DAB1: variants seen among roughly 807,000 people sequenced by gnomAD.
DAB1 encodes the protein DAB adaptor protein 1.
DAB1 carries 15 observed loss-of-function variants against 64.6 expected under a neutral mutation model. That is an observed-to-expected ratio of 0.23 (90% confidence interval 0.16 to 0.36). The LOEUF is 0.36. DAB1 is among the 10% of genes least tolerant of loss of function. The probability of loss-of-function intolerance (pLI) is 1.00; values close to 1 mark genes in which losing one functional copy is unlikely to be tolerated. For missense variants in DAB1, 596 were observed against 706.7 expected (o/e 0.84, Z 1.78); for synonymous variants, 235 against 251.9 (o/e 0.93, Z 0.64).
At chr1:58,215,118 T>C (rs1658774977) in intron 4 of DAB1, among the ~76,000 whole-genome samples, 1 of 152,178 alleles carries the variant, frequency 6.6e-6, no homozygotes, top group Non-Finnish European at 1.5e-5. Context: ...GGTTGACTTC[T>C]TTGACCCCCT....
intron 3 of DAB1, among the ~76,000 whole-genome samples, chr1:58,455,902 T>C (rs1219170167): frequency 6.6e-5 from 10 of 152,160 alleles, no homozygotes; most frequent in Admixed American, 3.3e-4. Context: ...CCCAAAGGGA[T>C]AGCTCTTCAT....
chr1:57,638,769 G>A (rs1646090722), intron 7 of DAB1, among the ~76,000 whole-genome samples: 1 of 151,866 alleles, frequency 6.6e-6, no homozygotes, highest in Admixed American at 6.6e-5. Flanking sequence ...TAGAAGAAAT[G>A]GTATGGAAAG....
chr1:58,475,900 G>A (rs1645413944), intron 3 of DAB1, among the ~76,000 whole-genome samples: 1 of 152,166 alleles, frequency 6.6e-6, no homozygotes, highest in East Asian at 1.9e-4. Flanking sequence ...ATATTTCTGT[G>A]CAAAAGCAAT....
intron 1 of DAB1, among the ~76,000 whole-genome samples, chr1:57,312,798 C>A (rs972061697): frequency 2.0e-5 from 3 of 152,134 alleles, no homozygotes; most frequent in Non-Finnish European, 4.4e-5. Flanking sequence ...GGCCGGTGAG[C>A]AGCAGTGGAG....
chr1:57,598,935 A>C (rs983456451), intron 7 of DAB1, among the ~76,000 whole-genome samples: 2 of 152,114 alleles, frequency 1.3e-5, no homozygotes, highest in African/African-American at 4.8e-5. Flanking sequence ...TCCCCCTTCC[A>C]GGTTCCTGAC....
At chr1:57,418,477 G>A (rs1367517227) in intron 1 of DAB1, among the ~76,000 whole-genome samples, 5 of 152,262 alleles carry the variant, frequency 3.3e-5, no homozygotes, top group East Asian at 1.9e-4. Context: ...TATGAAGCTC[G>A]GAGCAGATGC....
At chr1:57,469,019 T>C (rs998237739) in intron 7 of DAB1, among the ~76,000 whole-genome samples, 2 of 152,210 alleles carry the variant, frequency 1.3e-5, no homozygotes, top group African/African-American at 2.4e-5. Context: ...AGTGATAAGA[T>C]GAAATTGCTC....
intron 4 of DAB1, among the ~76,000 whole-genome samples, chr1:57,075,485 G>A (rs1010409541): frequency 2.6e-5 from 4 of 152,164 alleles, no homozygotes; most frequent in Non-Finnish European, 5.9e-5. Context: ...TCAGTGAGGG[G>A]CTATGTCTTC....
chr1:57,777,582 A>G (rs1215663794), intron 6 of DAB1, among the ~76,000 whole-genome samples: 1 of 151,854 alleles, frequency 6.6e-6, no homozygotes, highest in Non-Finnish European at 1.5e-5. Flanking sequence ...AGTGACATAT[A>G]TATTTCAGAT....
chr1:58,003,714 C>T (rs1028559036), intron 5 of DAB1, among the ~76,000 whole-genome samples: 2 of 152,258 alleles, frequency 1.3e-5, no homozygotes, highest in African/African-American at 2.4e-5. Flanking sequence ...GGATGCTTCC[C>T]GGGCAAGGTG....
chr1:57,231,276 A>T (rs1030450259), intron 2 of DAB1, among the ~76,000 whole-genome samples: 3 of 152,202 alleles, frequency 2.0e-5, no homozygotes, highest in Non-Finnish European at 2.9e-5. Context: ...CTCACTCTCC[A>T]AGACAAGGCT....
rs1403925781 is a variant in DAB1, at chr1:58,307,333, C to T, written n.309+36019G>A. Among the ~76,000 whole-genome samples the T allele has an allele frequency of 1.9e-4, 29 of 152,230 alleles. 1 individual carries two copies. In the South Asian group the frequency reaches 6.0e-3, roughly 32 times the overall value. On this transcript the variant is annotated intron_variant and non_coding_transcript_variant, in intron 4 of 20. Transcript: ENST00000485760. Reference sequence around the variant, plus strand: ...GCCTGAAGATGAGTGAAACTTGGCCCCTGCCCTTCAGAAGTTTAGAATCTA... The same window carrying T: ...GCCTGAAGATGAGTGAAACTTGGCCTCTGCCCTTCAGAAGTTTAGAATCTA...
intron 5 of DAB1, among the ~76,000 whole-genome samples, chr1:57,904,393 T>A (rs903337210): frequency 6.6e-5 from 10 of 152,158 alleles, no homozygotes; most frequent in Admixed American, 3.3e-4. Context: ...ATCTACTACG[T>A]CCACTATTGT....
chr1:57,400,198 T>TG (rs1332419711), intron 1 of DAB1, among the ~76,000 whole-genome samples: 7 of 152,146 alleles, frequency 4.6e-5, no homozygotes, highest in Non-Finnish European at 8.8e-5. Context: ...CGTTACAGAG[T>TG]GTCTGCAAGT....
intron 2 of DAB1, among the ~76,000 whole-genome samples, chr1:57,151,453 C>T (rs911727540): frequency 1.7e-4 from 26 of 151,938 alleles, no homozygotes; most frequent in African/African-American, 5.1e-4. Context: ...TGAAGAATCC[C>T]CTGTAAAAAC....
At chr1:58,323,757 C>A (rs1019778357) in intron 4 of DAB1, among the ~76,000 whole-genome samples, 40 of 152,022 alleles carry the variant, frequency 2.6e-4, no homozygotes, top group African/African-American at 8.9e-4. Flanking sequence ...AACCTCGTCT[C>A]TACTAAAAAT....
chr1:57,883,509 A>T (rs1006531060), intron 1 of DAB1, among the ~76,000 whole-genome samples: 4 of 152,228 alleles, frequency 2.6e-5, no homozygotes, highest in Admixed American at 6.5e-5. Flanking sequence ...AAAATTGTTT[A>T]ATACGGTCAG....
At chr1:58,011,973 G>A (rs888994771) in intron 5 of DAB1, among the ~76,000 whole-genome samples, 5 of 152,200 alleles carry the variant, frequency 3.3e-5, no homozygotes, top group African/African-American at 1.2e-4. Flanking sequence ...TTACAGGCGT[G>A]AGCCACCATG....
chr1:57,733,868 C>T (rs1647555007), intron 6 of DAB1, among the ~76,000 whole-genome samples: 1 of 151,920 alleles, frequency 6.6e-6, no homozygotes, highest in Non-Finnish European at 1.5e-5. Context: ...CTTTGGGTGT[C>T]CTCCTGAAGA....
Sources: allele counts gnomAD v4.1 joint callset (sites outside exome capture counted in the v4.1 genomes callset), GRCh38; gene constraint gnomAD v4.1.1; transcripts MANE v1.5; gene names NCBI Gene and HGNC (gene_info 2026-07-23, HGNC 2026-07-21).